The following HYDIN variants were observed in gnomAD, a reference collection of about 807,000 sequenced individuals.
HYDIN encodes axonemal central pair apparatus protein HYDIN.
Under a neutral mutation model 403.9 loss-of-function variants are expected in HYDIN, and 132 were observed. The ratio of observed to expected loss-of-function variants is 0.33; its 90% confidence interval spans 0.28 to 0.38. The LOEUF (loss-of-function observed/expected upper bound fraction) is 0.38, where lower values mean the gene tolerates loss of function less well. HYDIN is among the 10% of genes least tolerant of loss of function. The pLI, the probability that HYDIN is intolerant of heterozygous loss-of-function variation, is 1.00. For missense variants in HYDIN, 2,827 were observed against 5,009.5 expected (o/e 0.56, Z 13.15); for synonymous variants, 1,202 against 1,891.7 (o/e 0.64, Z 9.46).
chr16:70,963,149 A>G (rs907962721), intron 37 of HYDIN, among the ~76,000 whole-genome samples: 60 of 149,104 alleles, frequency 4.0e-4, no homozygotes, highest in Non-Finnish European at 7.0e-4. Context: ...CTCTCCTCAC[A>G]CTCTCTTCAT....
intron 62 of HYDIN, among the ~76,000 whole-genome samples, chr16:70,877,713 T>TG (rs1217528160): frequency 6.6e-6 from 1 of 152,022 alleles, no homozygotes; most frequent in Non-Finnish European, 1.5e-5. Flanking sequence ...ATGTGAGTGA[T>TG]GGGGTGTGGC....
chr16:71,071,879 T>G (rs2082478518), intron 13 of HYDIN, among the ~76,000 whole-genome samples: 1 of 152,162 alleles, frequency 6.6e-6, no homozygotes, highest in Non-Finnish European at 1.5e-5. Context: ...CATGGAATAT[T>G]TTAGACAATG....
chr16:70,974,992 T>C (rs915854047), intron 31 of HYDIN, 144 bp downstream of exon 31: 3 of 571,924 alleles, frequency 5.2e-6, no homozygotes, highest in Non-Finnish European at 9.3e-6. Flanking sequence ...TGCTAGGGGA[T>C]GGCGGATAAG....
intron 1 of HYDIN, among the ~76,000 whole-genome samples, chr16:71,198,352 A>T (rs2087809597): frequency 6.6e-6 from 1 of 152,204 alleles, no homozygotes; most frequent in Non-Finnish European, 1.5e-5. Context: ...TTCCATGCAC[A>T]AAGGTAATCA....
At position 71,175,532 on chromosome 16, in the gene HYDIN, G is replaced by A. The variant is rs553060902; in HGVS notation, c.516+75C>T. On this transcript the variant is annotated intron_variant, in intron 5 of 85. Coordinates refer to ENST00000393567, the MANE Select transcript of HYDIN (RefSeq NM_001270974.2). ...CACCACCACCACCACCAGCACTACC[G>A]CCTCTGTAAATATTCAGAATTGAAC... 5.8e-5 allele frequency: 79 copies of A among 1,358,116 alleles called. No individual in the cohort carries two copies. In the East Asian group the frequency reaches 1.0e-3, roughly 18 times the overall value. The allele number at this position is 1,358,116 out of a possible 1,614,324, so 84.1% of individuals were successfully genotyped here. A position where few individuals can be genotyped will look rare whatever the true frequency, so the allele number is the denominator to read the frequency against.
chr16:71,030,972 A>C (rs1273889968), intron 19 of HYDIN, among the ~76,000 whole-genome samples: 1 of 151,738 alleles, frequency 6.6e-6, no homozygotes, highest in Non-Finnish European at 1.5e-5. Context: ...AGGCCGAGGC[A>C]GGTGGATCAT....
At chr16:70,966,007 T>G (rs993622852) in intron 36 of HYDIN, among the ~76,000 whole-genome samples, 1 of 152,206 alleles carries the variant, frequency 6.6e-6, no homozygotes, top group African/African-American at 2.4e-5. Context: ...ATAGAGAATC[T>G]GTGGGCAAAG....
At chr16:70,933,666 T>C (rs2077417512) in intron 45 of HYDIN, 1 of 154,804 alleles carries the variant, frequency 6.5e-6, no homozygotes, top group Non-Finnish European at 1.5e-5. Context: ...TAGATGGTGA[T>C]GGGATCTATT....
At chr16:71,192,364 C>G (rs144393372) in intron 1 of HYDIN, among the ~76,000 whole-genome samples, 294 of 152,278 alleles carry the variant, frequency 1.9e-3, no homozygotes, top group African/African-American at 6.9e-3. Context: ...AGCCATTCTC[C>G]ACGCTGCAGC....
chr16:70,864,782 TA>T, intron 67 of HYDIN, among the ~76,000 whole-genome samples: 1 of 152,346 alleles, frequency 6.6e-6, no homozygotes, highest in South Asian at 2.1e-4. Flanking sequence ...AAAACTTTTG[TA>T]AAGGGCCAGA....
Position 70,807,732 on chromosome 16 carries a change from TG to T in HYDIN, c.15213del (p.Lys5072ArgfsTer25). On this transcript the variant is annotated frameshift_variant, in exon 86 of 86. Coordinates refer to ENST00000393567, the MANE Select transcript of HYDIN (RefSeq NM_001270974.2). LOFTEE classifies it high-confidence loss of function. ...FTIRAGESVRPKKINNITVSF... is the reference protein window; with the variant it reads ...FTIRAGESVRXKKINNITVSF... ...GAGACTGTGATGTTGTTGATCTTCT[TG>T]GGCCGCACAGACTCTCCAGCGCGAA... is the stretch of plus-strand genomic sequence containing the variant. 3 of 1,614,162 alleles carry T rather than the reference TG, an allele frequency of 1.9e-6. No individual in the cohort carries two copies. The highest frequency in any genetic ancestry group is 1.7e-6 in the Non-Finnish European group (2 of 1,180,024).
chr16:71,186,728 A>C (rs2087170219), intron 2 of HYDIN, 33 bp downstream of exon 2: 1 of 1,568,340 alleles, frequency 6.4e-7, no homozygotes, highest in African/African-American at 1.4e-5. Context: ...GATTGCATTA[A>C]GTATTTTACA....
intron 13 of HYDIN, among the ~76,000 whole-genome samples, chr16:71,070,267 C>CTT (rs1555632578): frequency 0.029 from 4,313 of 147,404 alleles, 161 homozygotes; most frequent in African/African-American, 0.092. Context: ...TTCTTTCTTT[C>CTT]TCTCTCCTTC....
At chr16:70,979,422 C>T (rs550244402) in intron 29 of HYDIN, among the ~76,000 whole-genome samples, 60 of 152,196 alleles carry the variant, frequency 3.9e-4, no homozygotes, top group African/African-American at 1.4e-3. Flanking sequence ...CAAACCCAGA[C>T]AGCCGGTCAC....
At chr16:70,889,981 C>T (rs1051893980) in intron 57 of HYDIN, among the ~76,000 whole-genome samples, 6 of 152,232 alleles carry the variant, frequency 3.9e-5, no homozygotes, top group Admixed American at 1.3e-4. Context: ...TAAATGCCTA[C>T]TTGAGTTCAC....
At chr16:71,083,745 T>C (rs975511176) in intron 12 of HYDIN, among the ~76,000 whole-genome samples, 3 of 151,992 alleles carry the variant, frequency 2.0e-5, no homozygotes, top group Non-Finnish European at 2.9e-5. Context: ...TGTGATGAAG[T>C]CTTGTGTCAT....
chr16:71,214,327 T>G (rs1261683105), intron 1 of HYDIN, among the ~76,000 whole-genome samples: 1 of 152,132 alleles, frequency 6.6e-6, no homozygotes, highest in Non-Finnish European at 1.5e-5. Context: ...GAAATGGAAC[T>G]TCAAATAAAT....
chr16:70,972,862 G>A (rs369335520), intron 35 of HYDIN, among the ~76,000 whole-genome samples: 27 of 152,296 alleles, frequency 1.8e-4, no homozygotes, highest in East Asian at 1.3e-3. Context: ...AAACTAAGTT[G>A]TACAAATAAA....
chr16:71,112,956 G>T (rs955997200), intron 10 of HYDIN, among the ~76,000 whole-genome samples: 3 of 152,166 alleles, frequency 2.0e-5, no homozygotes, highest in Admixed American at 6.5e-5. Flanking sequence ...AGGGGCTGAG[G>T]CTGGGGGACA....
Sources: allele counts gnomAD v4.1 joint callset (sites outside exome capture counted in the v4.1 genomes callset), GRCh38; gene constraint gnomAD v4.1.1; transcripts MANE v1.5; gene names NCBI Gene and HGNC (gene_info 2026-07-23, HGNC 2026-07-21).